The following GSDME variants were observed in gnomAD, a reference collection of about 807,000 sequenced individuals.
GSDME encodes the protein gasdermin E.
Under a neutral mutation model 47.5 loss-of-function variants are expected in GSDME, and 44 were observed. The ratio of observed to expected loss-of-function variants is 0.93; its 90% confidence interval spans 0.73 to 1.19. The LOEUF is 1.19. Ranked by LOEUF, GSDME falls within the 50% of genes most tolerant of loss-of-function variation. GSDME has a pLI of 0.00. For missense variants in GSDME, 663 were observed against 604.2 expected (o/e 1.10, Z -1.02); for synonymous variants, 258 against 252.8 (o/e 1.02, Z -0.20).
intron 3 of GSDME, among the ~76,000 whole-genome samples, chr7:24,720,506 C>T (rs1789737835): frequency 6.6e-6 from 1 of 152,164 alleles, no homozygotes; most frequent in Admixed American, 6.5e-5. Flanking sequence ...TAGGAAAGTC[C>T]CATCTCAATG....
At chr7:24,715,806 CTT>C (rs1053883074) in intron 5 of GSDME, among the ~76,000 whole-genome samples, 1 of 152,182 alleles carries the variant, frequency 6.6e-6, no homozygotes, top group African/African-American at 2.4e-5. Context: ...TGACAGACCT[CTT>C]TGACCAACTG....
Position 24,706,230 on chromosome 7 carries a change from G to A in GSDME, c.1137C>T (p.Ser379=). 1 of 1,614,226 alleles carries A rather than the reference G, an allele frequency of 6.2e-7. No homozygotes were observed. The highest frequency in any genetic ancestry group is 8.5e-7 in the Non-Finnish European group (1 of 1,180,046). ...AGTAGGCTGTCATAAACAGCTGCTT[G>A]CTGCCTGCATCCTCGGGGCCCGGAC... The part of the protein sequence containing the change: ...GGCPGPEDAG[S]KQLFMTAYFL... Residue 379 remains serine (S), a synonymous_variant, in exon 8 of 10, where the codon AGC becomes AGT. Coordinates refer to ENST00000645220, the MANE Select transcript of GSDME (RefSeq NM_001127453.2).
At chr7:24,752,488 G>A (rs1293178680) in intron 1 of GSDME, among the ~76,000 whole-genome samples, 1 of 152,214 alleles carries the variant, frequency 6.6e-6, no homozygotes, top group Non-Finnish European at 1.5e-5. Flanking sequence ...ACAACGCTCT[G>A]GACTATGTCA....
intron 3 of GSDME, among the ~76,000 whole-genome samples, chr7:24,727,156 A>C (rs529344755): frequency 7.7e-4 from 118 of 152,278 alleles, no homozygotes; most frequent in African/African-American, 2.7e-3. Context: ...GGCCCTGATC[A>C]CCTAGATCTA....
At chr7:24,753,721 CAAATA>C (rs1790929424) in intron 1 of GSDME, among the ~76,000 whole-genome samples, 2 of 152,154 alleles carry the variant, frequency 1.3e-5, no homozygotes. Context: ...TATTTTAAAA[CAAATA>C]AAATCAAGCA....
At chr7:24,760,072 A>G (rs1791144590), upstream of GSDME, among the ~76,000 whole-genome samples, 1 of 152,220 alleles carries the variant, frequency 6.6e-6, no homozygotes, top group South Asian at 2.1e-4. This position sits in a 1 kb window ranked among gnomAD's most constrained non-coding sequence, Gnocchi z 4.2. Flanking sequence ...ATCTCACAGG[A>G]GATCAATTGG....
chr7:24,789,508 C>T, the GSDME span, among the ~76,000 whole-genome samples: 1 of 152,262 alleles, frequency 6.6e-6, no homozygotes, highest in East Asian at 1.9e-4. Flanking sequence ...CTGCATGCAC[C>T]GGTAATCAGA....
At chr7:24,707,851 A>G in intron 7 of GSDME, 2 of 572,454 alleles carry the variant, frequency 3.5e-6, no homozygotes, top group Non-Finnish European at 6.2e-6. Context: ...AGACACCTAG[A>G]CTTTGGACTT....
upstream of GSDME, chr7:24,757,889 G>A (rs1368994730): frequency 1.3e-5 from 2 of 152,418 alleles, no homozygotes; most frequent in African/African-American, 4.8e-5. This position sits in a 1 kb window ranked among gnomAD's most constrained non-coding sequence, Gnocchi z 5.9. Flanking sequence ...GAAAGTCCAA[G>A]GCCTGTCCAG....
the GSDME span, among the ~76,000 whole-genome samples, chr7:24,765,633 C>T: frequency 6.6e-6 from 1 of 152,236 alleles, no homozygotes; most frequent in African/African-American, 2.4e-5. Context: ...TGTGGCAGCC[C>T]CAGAGTTGCT....
intron 3 of GSDME, among the ~76,000 whole-genome samples, chr7:24,719,991 AG>A (rs754796939): frequency 1.3e-4 from 20 of 152,232 alleles, no homozygotes; most frequent in Non-Finnish European, 2.8e-4. Flanking sequence ...ATAGGCCTAA[AG>A]TATGAGTAGC....
intron 9 of GSDME, 120 bp downstream of exon 9, chr7:24,702,640 T>C: frequency 1.3e-6 from 1 of 794,672 alleles, no homozygotes; most frequent in Non-Finnish European, 2.2e-6. Flanking sequence ...ACTTACTTAA[T>C]GTGTCTTGAA....
At chr7:24,763,106 C>T in the GSDME span, among the ~76,000 whole-genome samples, 1 of 152,188 alleles carries the variant, frequency 6.6e-6, no homozygotes, top group Non-Finnish European at 1.5e-5. The surrounding 1 kb of genome is among the most constrained non-coding windows in gnomAD (Gnocchi z 4.3). Flanking sequence ...CACGTTTCTG[C>T]TCATGTCTTC....
rs573460086 is a variant in GSDME at position 24,739,986 on chromosome 7, G to A, written c.404+4576C>T. Among the ~76,000 whole-genome samples, 6 of 152,008 alleles carry A rather than the reference G, an allele frequency of 3.9e-5. No individual in the cohort carries two copies. The East Asian group carries it at 9.7e-4, about 24-fold the overall frequency. On this transcript the variant is annotated intron_variant, in intron 3 of 9. Transcript: ENST00000645220. This position sits in a 1 kb window ranked among gnomAD's most constrained non-coding sequence, Gnocchi z 5.1. ...TGGGTGCCTGTAATCCCAGCTACTC[G>A]GGAAGCTGAGGCTGGAGAACTGCTT...
chr7:24,733,736 T>C lies in GSDME; in HGVS notation c.404+10826A>G, dbSNP rs1049629008. Among the ~76,000 whole-genome samples, 2 of 152,082 alleles carry C rather than the reference T, an allele frequency of 1.3e-5. No individual in the cohort carries two copies. Among genetic ancestry groups the C allele is most frequent in the Admixed American group, 1.3e-4 (2 of 15,276 alleles). ...AGAGTGAAGGGACTTTGTCCTGTGA[T>C]TTGAGTGCCAGTTGAGCCACAGTAG... is the stretch of plus-strand genomic sequence containing the variant. On this transcript the variant is annotated intron_variant, in intron 3 of 9. Coordinates refer to ENST00000645220, the MANE Select transcript of GSDME (RefSeq NM_001127453.2). The surrounding 1 kb of genome is among the most constrained non-coding windows in gnomAD (Gnocchi z 4.3).
In GSDME at chr7:24,699,022, G is replaced by GAC; in HGVS notation, c.*2_*3dup. ...TAACACGTACTTCTAGTTCACATATGACATCATGAATGTTCTCTGCCTAAA... is the reference window on the plus strand; with the variant it reads ...TAACACGTACTTCTAGTTCACATATGACACATCATGAATGTTCTCTGCCTAAA... On this transcript the variant is annotated 3_prime_UTR_variant, in exon 10 of 10. Coordinates refer to ENST00000645220, the MANE Select transcript of GSDME (RefSeq NM_001127453.2). The GAC allele has an allele frequency of 2.5e-6, 4 of 1,596,778 alleles. No homozygotes were observed. Among genetic ancestry groups the GAC allele is most frequent in the Non-Finnish European group, 3.4e-6 (4 of 1,164,650 alleles).
rs1005642045 is a variant in GSDME at position 24,728,398 on chromosome 7, C to T, written c.405-9180G>A. ...GATGTTTTCTTATGTGAGATAATAA[C>T]AAATGTTCTTTGCAACCAGACACCC... On this transcript the variant is annotated intron_variant, in intron 3 of 9. Transcript: ENST00000645220. The surrounding 1 kb of genome is among the most constrained non-coding windows in gnomAD (Gnocchi z 7.2). 6.6e-6 allele frequency among the ~76,000 whole-genome samples: 1 copy of T among 152,144 alleles called. No individual in the cohort carries two copies. The highest frequency in any genetic ancestry group is 1.5e-5 in the Non-Finnish European group (1 of 68,030).
At chr7:24,717,136 CT>C (rs1419836115) in intron 5 of GSDME, 117 bp downstream of exon 5, 1 of 1,157,302 alleles carries the variant, frequency 8.6e-7, no homozygotes, top group East Asian at 2.6e-5. Context: ...CTTCAGACCT[CT>C]TTCCCTCTCT....
chr7:24,777,118 A>G, the GSDME span, among the ~76,000 whole-genome samples: 1 of 152,206 alleles, frequency 6.6e-6, no homozygotes, highest in Non-Finnish European at 1.5e-5. Flanking sequence ...ATGCCATTAA[A>G]AATATATGAA....
Sources: gnomAD v4.1 joint callset for allele counts (sites outside exome capture counted in the v4.1 genomes callset) on GRCh38, gnomAD v4.1.1 for gene constraint, Gnocchi (gnomAD v3.1) non-coding constraint, MANE v1.5 for transcripts, NCBI Gene and HGNC (gene_info 2026-07-23, HGNC 2026-07-21) for gene names.